Variants in GPHN observed in about 807,000 individuals in gnomAD.
GPHN encodes the protein gephyrin.
Under a neutral mutation model 95.5 loss-of-function variants are expected in GPHN, and 17 were observed. The observed-to-expected ratio is 0.18, with a 90% CI of 0.12 to 0.27. GPHN has a LOEUF of 0.27. Among genes scored for constraint, GPHN ranks in the 10% least tolerant of loss-of-function variants. The pLI is 1.00. For synonymous variants in GPHN, 320 were observed against 322.5 expected (o/e 0.99, Z 0.08); for missense variants, 660 against 978.1 (o/e 0.67, Z 4.34).
intron 17 of GPHN, among the ~76,000 whole-genome samples, chr14:67,130,554 ATGC>A (rs1438742891): frequency 6.6e-6 from 1 of 152,224 alleles, no homozygotes; most frequent in East Asian, 1.9e-4. Context: ...ATTGTGAATA[ATGC>A]TGCAATGAAC....
At chr14:66,995,081 C>T (rs1478424195) in intron 9 of GPHN, among the ~76,000 whole-genome samples, 1 of 152,100 alleles carries the variant, frequency 6.6e-6, no homozygotes, top group Non-Finnish European at 1.5e-5. Context: ...ATTTCCCCAC[C>T]GTACCTTTGT....
chr14:67,225,649 T>C, the GPHN span, among the ~76,000 whole-genome samples: 203 of 152,316 alleles, frequency 1.3e-3, 1 homozygote, highest in Non-Finnish European at 2.5e-3. Context: ...CAGATATTCG[T>C]AGAGTGCCTG....
chr14:66,751,039 G>T (rs1595780915), intron 2 of GPHN, among the ~76,000 whole-genome samples: 1 of 151,736 alleles, frequency 6.6e-6, no homozygotes, highest in East Asian at 1.9e-4. Flanking sequence ...ATTTTTAAAA[G>T]TAGCAGAAAA....
At chr14:66,878,365 C>G (rs6573729) in intron 4 of GPHN, among the ~76,000 whole-genome samples, 38,228 of 151,830 alleles carry the variant, frequency 0.25, 9,734 homozygotes, top group African/African-American at 0.62. Flanking sequence ...AATTGACAAA[C>G]GGGATCTAAT....
At chr14:67,058,965 A>G in intron 11 of GPHN, 179 bp downstream of exon 11, 1 of 636,656 alleles carries the variant, frequency 1.6e-6, no homozygotes. Flanking sequence ...GTTCAGCCTT[A>G]ACAGTATACA....
the GPHN span, among the ~76,000 whole-genome samples, chr14:67,607,963 T>C: frequency 6.6e-6 from 1 of 151,978 alleles, no homozygotes; most frequent in African/African-American, 2.4e-5. Flanking sequence ...GAGAGCTGGT[T>C]TGGTGGCTCA....
intron 16 of GPHN, 69 bp from the exon 17 acceptor site, chr14:67,122,187 T>A: frequency 6.5e-7 from 1 of 1,531,102 alleles, no homozygotes; most frequent in Non-Finnish European, 9.0e-7. Flanking sequence ...TTTAGTAGAT[T>A]TTTTTTTCAT....
At chr14:67,455,531 T>A in the GPHN span, among the ~76,000 whole-genome samples, 1 of 152,214 alleles carries the variant, frequency 6.6e-6, no homozygotes, top group African/African-American at 2.4e-5. Flanking sequence ...TCATGTGATA[T>A]CTAATTCTCA....
the GPHN span, among the ~76,000 whole-genome samples, chr14:67,419,233 G>A: frequency 6.6e-6 from 1 of 152,102 alleles, no homozygotes; most frequent in Non-Finnish European, 1.5e-5. Context: ...AACAAGAGAG[G>A]GGCAGAACCT....
the GPHN span, among the ~76,000 whole-genome samples, chr14:67,388,771 C>T: frequency 6.6e-6 from 1 of 152,128 alleles, no homozygotes; most frequent in African/African-American, 2.4e-5. Flanking sequence ...CCTCTGCCTC[C>T]CAGGTTCAAG....
chr14:67,011,596 A>G (rs2073013553), intron 9 of GPHN, among the ~76,000 whole-genome samples: 2 of 149,730 alleles, frequency 1.3e-5, no homozygotes, highest in African/African-American at 2.5e-5. Context: ...AAAAAAAAAA[A>G]GAAGGAAAAT....
intron 2 of GPHN, among the ~76,000 whole-genome samples, chr14:66,730,367 A>T (rs1298112473): frequency 6.6e-6 from 1 of 152,110 alleles, no homozygotes; most frequent in African/African-American, 2.4e-5. Context: ...TTTACTCTTG[A>T]GTTTAATCGT....
At chr14:66,561,533 C>T (rs1316388415) in intron 1 of GPHN, among the ~76,000 whole-genome samples, 4 of 152,060 alleles carry the variant, frequency 2.6e-5, no homozygotes, top group Admixed American at 1.3e-4. Context: ...TTTCATTTTA[C>T]ATATAAGGAA....
the GPHN span, among the ~76,000 whole-genome samples, chr14:67,387,662 C>T: frequency 6.6e-6 from 1 of 152,194 alleles, no homozygotes; most frequent in Non-Finnish European, 1.5e-5. Flanking sequence ...TAAGGCCTTC[C>T]AATGGTTATG....
intron 10 of GPHN, among the ~76,000 whole-genome samples, chr14:67,047,367 T>TG (rs1280416718): frequency 7.7e-4 from 64 of 82,822 alleles, no homozygotes; most frequent in Non-Finnish European, 1.4e-3. Flanking sequence ...TGTGTGTTTG[T>TG]TTTTTTTTTT....
At chr14:67,675,471 C>CA in the GPHN span, among the ~76,000 whole-genome samples, 1 of 151,522 alleles carries the variant, frequency 6.6e-6, no homozygotes, top group Non-Finnish European at 1.5e-5. Context: ...ATCTTGTCTC[C>CA]AAAAAAACAA....
At chr14:66,563,215 G>A (rs2060337474) in intron 1 of GPHN, among the ~76,000 whole-genome samples, 2 of 152,066 alleles carry the variant, frequency 1.3e-5, no homozygotes, top group South Asian at 2.1e-4. Flanking sequence ...TTGAATGCTA[G>A]AAATATGATT....
intron 5 of GPHN, among the ~76,000 whole-genome samples, chr14:66,881,429 A>G (rs1051277468): frequency 2.0e-5 from 3 of 151,870 alleles, no homozygotes; most frequent in Non-Finnish European, 2.9e-5. Context: ...TATACAAGCA[A>G]TAACATCAGG....
At chr14:66,724,233 GT>G (rs952535570) in intron 2 of GPHN, among the ~76,000 whole-genome samples, 9 of 150,850 alleles carry the variant, frequency 6.0e-5, no homozygotes, top group East Asian at 1.9e-4. Context: ...TTTGGGGAGG[GT>G]TTTTTTTTAA....
Sources: gnomAD v4.1 joint callset for allele counts (sites outside exome capture counted in the v4.1 genomes callset) on GRCh38, gnomAD v4.1.1 for gene constraint, MANE v1.5 for transcripts, NCBI Gene and HGNC (gene_info 2026-07-23, HGNC 2026-07-21) for gene names.